The following IQCM variants were observed in gnomAD, a reference collection of about 807,000 sequenced individuals.
IQCM encodes the protein IQ motif containing M.
In IQCM, 45 loss-of-function variants were observed where a neutral mutation model predicts 57.6. The observed-to-expected ratio is 0.78, with a 90% CI of 0.62 to 1.00. The LOEUF (loss-of-function observed/expected upper bound fraction) is 1.00. Ranked by LOEUF, IQCM falls within the 50% of genes least tolerant of loss-of-function variation. The probability of loss-of-function intolerance (pLI) is 0.00; values close to 1 mark genes in which losing one functional copy is unlikely to be tolerated. For missense variants in IQCM, 468 were observed against 511.6 expected (o/e 0.91, Z 0.82); for synonymous variants, 148 against 158.9 (o/e 0.93, Z 0.51).
At chr4:149,654,236 G>A (rs1157655827) in intron 7 of IQCM, among the ~76,000 whole-genome samples, 1 of 152,024 alleles carries the variant, frequency 6.6e-6, no homozygotes, top group Admixed American at 6.6e-5. Context: ...AATATCTACT[G>A]TATGATATGG....
intron 13 of IQCM, among the ~76,000 whole-genome samples, chr4:149,373,091 A>G (rs945943286): frequency 6.6e-6 from 1 of 152,198 alleles, no homozygotes; most frequent in Non-Finnish European, 1.5e-5. Context: ...TGATATTGTG[A>G]AAGCAAATGA....
At chr4:149,775,419 TAA>T (rs1771000724) in intron 2 of IQCM, among the ~76,000 whole-genome samples, 1 of 152,162 alleles carries the variant, frequency 6.6e-6, no homozygotes, top group Non-Finnish European at 1.5e-5. Context: ...ATCTCCTGAT[TAA>T]GAGACAAAAA....
intron 2 of IQCM, among the ~76,000 whole-genome samples, chr4:149,761,545 C>T (rs1769514829): frequency 6.6e-6 from 1 of 152,086 alleles, no homozygotes; most frequent in Admixed American, 6.6e-5. Context: ...CTGTAAGAAT[C>T]CCACAGCACT....
intron 7 of IQCM, among the ~76,000 whole-genome samples, chr4:149,632,780 C>T (rs574672779): frequency 8.5e-5 from 13 of 152,238 alleles, no homozygotes; most frequent in African/African-American, 2.2e-4. Context: ...CTAAATCGTA[C>T]GCATGTGGAG....
chr4:149,427,127 T>C (rs1734515541), intron 13 of IQCM, among the ~76,000 whole-genome samples: 1 of 151,992 alleles, frequency 6.6e-6, no homozygotes, highest in African/African-American at 2.4e-5. Context: ...GAAAGCATTC[T>C]ATTTGACCCA....
intron 12 of IQCM, among the ~76,000 whole-genome samples, chr4:149,460,702 T>A (rs1025238101): frequency 2.6e-5 from 4 of 152,032 alleles, no homozygotes; most frequent in African/African-American, 4.8e-5. Context: ...GAAGAAAGGA[T>A]CAAATGATAC....
chr4:149,449,622 C>T, intron 12 of IQCM, among the ~76,000 whole-genome samples: 2 of 150,910 alleles, frequency 1.3e-5, no homozygotes, highest in Middle Eastern at 6.8e-3. Context: ...AATAGCTGCA[C>T]ATAAAATTAA....
intron 13 of IQCM, among the ~76,000 whole-genome samples, chr4:149,430,665 T>C (rs913455414): frequency 6.6e-6 from 1 of 152,054 alleles, no homozygotes; most frequent in African/African-American, 2.4e-5. Flanking sequence ...TGTCGTTATA[T>C]GTATCAAAGG....
intron 7 of IQCM, among the ~76,000 whole-genome samples, chr4:149,636,626 T>G (rs1757741070): frequency 6.6e-6 from 1 of 152,204 alleles, no homozygotes; most frequent in African/African-American, 2.4e-5. Flanking sequence ...TAAATATTTT[T>G]TATTTTTAAA....
At chr4:149,713,988 T>G (rs1764779588) in intron 5 of IQCM, among the ~76,000 whole-genome samples, 1 of 152,220 alleles carries the variant, frequency 6.6e-6, no homozygotes, top group Admixed American at 6.5e-5. Flanking sequence ...AATTTCTGTG[T>G]TCTTCATAAC....
chr4:149,432,704 C>T (rs1025348137), intron 13 of IQCM, among the ~76,000 whole-genome samples: 1 of 151,876 alleles, frequency 6.6e-6, no homozygotes, highest in Non-Finnish European at 1.5e-5. Context: ...ACAAACTATA[C>T]ACTGGGAGAA....
In IQCM at chr4:149,563,719, C is replaced by G; in HGVS notation, c.921G>C (p.Arg307=). Residue 307 remains arginine (R), a synonymous_variant, in exon 10 of 14, where the codon CGG becomes CGC. Coordinates refer to ENST00000636793, the MANE Select transcript of IQCM (RefSeq NM_001363507.2). ...TGGTCATTACTCTTTGCAATCTTTTCCGTTCAAGCCATCCCCTGACATGTG... is the reference window on the plus strand; with the variant it reads ...TGGTCATTACTCTTTGCAATCTTTTGCGTTCAAGCCATCCCCTGACATGTG... ...MQAHVRGWLE[R]KRLQRVMTKA... 1 of 1,231,944 alleles carries G rather than the reference C, an allele frequency of 8.1e-7. No individual in the cohort carries two copies. The highest frequency in any genetic ancestry group is 4.2e-5 in the Admixed American group (1 of 23,700). The allele number at this position is 1,231,944 out of a possible 1,614,324, so 76.3% of individuals were successfully genotyped here.
At chr4:149,372,597 C>A (rs1324486582) in intron 13 of IQCM, among the ~76,000 whole-genome samples, 1 of 152,080 alleles carries the variant, frequency 6.6e-6, no homozygotes, top group Non-Finnish European at 1.5e-5. Flanking sequence ...GGTGTACATG[C>A]AGATTGGGTT....
intron 7 of IQCM, among the ~76,000 whole-genome samples, chr4:149,680,678 T>G (rs1436057112): frequency 6.6e-6 from 1 of 151,400 alleles, no homozygotes; most frequent in Non-Finnish European, 1.5e-5. Flanking sequence ...TAATAAACAT[T>G]TCACAATTCA....
chr4:149,503,825 T>A (rs1560923640), intron 12 of IQCM, among the ~76,000 whole-genome samples: 1 of 152,058 alleles, frequency 6.6e-6, no homozygotes. Context: ...TGTCTACATA[T>A]AAAAACACCA....
At chr4:149,554,820 C>T (rs1427059588) in intron 10 of IQCM, among the ~76,000 whole-genome samples, 1 of 151,932 alleles carries the variant, frequency 6.6e-6, no homozygotes. Flanking sequence ...CTGCCTCAGC[C>T]TCCAGAGCAG....
intron 12 of IQCM, among the ~76,000 whole-genome samples, chr4:149,542,447 G>T (rs1379652084): frequency 6.6e-6 from 1 of 152,002 alleles, no homozygotes; most frequent in African/African-American, 2.4e-5. Flanking sequence ...TCTGCACATA[G>T]TAGAATGGAA....
At chr4:149,399,037 A>G (rs1180026140) in intron 13 of IQCM, among the ~76,000 whole-genome samples, 1 of 151,966 alleles carries the variant, frequency 6.6e-6, no homozygotes, top group Non-Finnish European at 1.5e-5. Flanking sequence ...GCCTGGTCCC[A>G]TATTTTATTC....
intron 12 of IQCM, among the ~76,000 whole-genome samples, chr4:149,488,288 G>T (rs1338464400): frequency 6.6e-6 from 1 of 152,054 alleles, no homozygotes; most frequent in African/African-American, 2.4e-5. Flanking sequence ...ATTTACCAAT[G>T]AATCAGTACT....
Sources: allele counts gnomAD v4.1 joint callset (sites outside exome capture counted in the v4.1 genomes callset), GRCh38; gene constraint gnomAD v4.1.1; transcripts MANE v1.5; gene names NCBI Gene and HGNC (gene_info 2026-07-23, HGNC 2026-07-21).